Variants in SNRNP70 observed in about 807,000 individuals in gnomAD.
The protein encoded by SNRNP70 is U1 small nuclear ribonucleoprotein 70 kDa.
SNRNP70 carries 8 observed loss-of-function variants against 50.5 expected under a neutral mutation model. That is an observed-to-expected ratio of 0.16 (90% CI 0.09 to 0.29). The LOEUF (loss-of-function observed/expected upper bound fraction) is 0.29. Among genes scored for constraint, SNRNP70 ranks in the 10% least tolerant of loss-of-function variants. The pLI is 1.00. For synonymous variants in SNRNP70, 320 were observed against 252.9 expected, an observed-to-expected ratio of 1.27 and a Z score of -2.52; for missense variants, 529 against 663.5, an observed-to-expected ratio of 0.80 and a Z score of 2.23.
At chr19:49,096,420 A>T (rs2040514368) in intron 4 of SNRNP70, among the ~76,000 whole-genome samples, 1 of 152,062 alleles carries the variant, frequency 6.6e-6, no homozygotes, top group African/African-American at 2.4e-5. Flanking sequence ...AGACGTTTCC[A>T]TTTGTCCCAG....
At chr19:49,092,284 T>C (rs1236033922) in intron 4 of SNRNP70, among the ~76,000 whole-genome samples, 1 of 143,048 alleles carries the variant, frequency 7.0e-6, no homozygotes. Context: ...AATTTTTGTA[T>C]TTTTAGTAGA....
In SNRNP70 at chr19:49,101,264, C is replaced by A. The variant is rs112604373; in HGVS notation, c.394-126C>A. 376 of 699,856 alleles carry A rather than the reference C, an allele frequency of 5.4e-4. 3 individuals are homozygous for A. In the African/African-American group the frequency reaches 6.1e-3, roughly 11 times the overall value. 43.4% of individuals were successfully genotyped at this position (699,856 alleles called of 1,614,324 possible). ...CCATTAGAACATAAGTCACTCAGGG[C>A]TCTTGAAGGACAGAGAGGGTCTGAG... On this transcript the variant is annotated intron_variant, in intron 6 of 9. Transcript: ENST00000598441.
intron 4 of SNRNP70, 108 bp from the exon 5 acceptor site, chr19:49,098,319 C>A (rs2040538586): frequency 1.1e-6 from 1 of 872,452 alleles, no homozygotes; most frequent in South Asian, 1.6e-5. Context: ...CAGTTAGGGG[C>A]CTCTCCCAAT....
In SNRNP70 at chr19:49,098,431, C is replaced by T. The variant is rs1160135465; in HGVS notation, c.270C>T (p.Asp90=). 7 of 1,612,376 alleles carry T rather than the reference C, an allele frequency of 4.3e-6. No homozygotes were observed. The Admixed American group carries it at 1.0e-4, about 23-fold the overall frequency. The change falls in exon 5 of 10, where the codon GAC becomes GAT. Residue 90 remains aspartate, a synonymous_variant. Transcript: ENST00000598441. ...QEVETELKMW[D]PHNDPNAQGD... ...AATTCCTTTCTTCCTGCACAGGGGACCCTCACAATGATCCCAATGCTCAGG... is the reference window on the plus strand; with the variant it reads ...AATTCCTTTCTTCCTGCACAGGGGATCCTCACAATGATCCCAATGCTCAGG...
In SNRNP70 at chr19:49,095,994, A is replaced by AT. The variant is rs1224465147; in HGVS notation, c.266-2433_266-2432insT. 6.2e-5 allele frequency among the ~76,000 whole-genome samples: 9 copies of AT among 145,492 alleles called. 1 individual carries two copies. In the South Asian group the frequency reaches 1.1e-3, roughly 18 times the overall value. ...CTGGTGCAAAAAAAAAAAAAAAAAA[A>AT]GCCAGTGCAGATTGAGAGACCTGGC... is the stretch of plus-strand genomic sequence containing the variant. On this transcript the variant is annotated intron_variant, in intron 4 of 9. Transcript: ENST00000598441.
At chr19:49,093,817 A>G (rs1345304342) in intron 4 of SNRNP70, among the ~76,000 whole-genome samples, 2 of 151,806 alleles carry the variant, frequency 1.3e-5, no homozygotes, top group Non-Finnish European at 1.5e-5. Flanking sequence ...AACATGGTGA[A>G]ACCCCATCTC....
rs761333989 is a variant in SNRNP70, at chr19:49,108,288, C to T, written c.1159C>T (p.Arg387Trp). The change falls in exon 10 of 10, where the codon CGG becomes TGG. Residue 387 changes from arginine to tryptophan, a missense_variant. Coordinates refer to ENST00000598441, the MANE Select transcript of SNRNP70 (RefSeq NM_003089.6). ...EHKRGERGSE[R>W]GRDEARGGGG... ...CAAACGGGGGGAGCGGGGCAGTGAG[C>T]GGGGCAGGGATGAGGCCCGAGGTGG... 20 of 1,568,602 alleles carry T rather than the reference C, an allele frequency of 1.3e-5. No individual in the cohort carries two copies. The highest frequency in any genetic ancestry group is 2.4e-5 in the East Asian group (1 of 42,260).
In SNRNP70 at chr19:49,108,176, T is replaced by TCGTGAC. The variant is rs1019496784; in HGVS notation, c.1050_1055dup (p.Asp351_Arg352dup). 1.3e-6 allele frequency: 2 copies of TCGTGAC among 1,538,202 alleles called. No individual in the cohort carries two copies. The highest frequency in any genetic ancestry group is 2.8e-5 in the African/African-American group (2 of 72,366). On this transcript the variant is annotated inframe_insertion, in exon 10 of 10. Coordinates refer to ENST00000598441, the MANE Select transcript of SNRNP70 (RefSeq NM_003089.6). ...ACGGTCCAGAGGAAAAGGGCCGGGA[T>TCGTGAC]CGTGACCGGGAGCGACGGCGGAGCC...
chr19:49,092,013 CCTT>C (rs2040453192), intron 4 of SNRNP70, among the ~76,000 whole-genome samples: 1 of 152,144 alleles, frequency 6.6e-6, no homozygotes, highest in Non-Finnish European at 1.5e-5. Flanking sequence ...CAAATCTGAC[CCTT>C]CTTTTCATGT....
Position 49,086,480 on chromosome 19 carries a change from G to A in SNRNP70, c.66G>A (p.Leu22=). 6.2e-7 allele frequency: 1 copy of A among 1,613,938 alleles called. No individual in the cohort carries two copies. Among genetic ancestry groups the A allele is most frequent in the South Asian group, 1.1e-5 (1 of 91,056 alleles). Residue 22 remains leucine, a synonymous_variant, in exon 2 of 10, where the codon CTG becomes CTA. Transcript: ENST00000598441. ...CCCCCCGTGACCCTATTCCATACCT[G>A]CCACCCCTGGAGAAACTGCCACATG... ...LFAPRDPIPY[L]PPLEKLPHEK... is the part of the protein sequence containing the mutation.
intron 4 of SNRNP70, among the ~76,000 whole-genome samples, chr19:49,094,825 C>A (rs1164050399): frequency 6.6e-6 from 1 of 152,176 alleles, no homozygotes; most frequent in Non-Finnish European, 1.5e-5. Context: ...GGTTGCTACT[C>A]CCATTTTTAA....
chr19:49,092,202 A>T (rs571171950), intron 4 of SNRNP70, among the ~76,000 whole-genome samples: 1 of 151,774 alleles, frequency 6.6e-6, no homozygotes, highest in South Asian at 2.1e-4. Flanking sequence ...TCCGCCTCCC[A>T]GGTTCAAGTG....
Position 49,104,483 on chromosome 19 carries a change from G to A in SNRNP70, c.476-151G>A, listed in dbSNP as rs376503777. On this transcript the variant is annotated intron_variant, in intron 7 of 9. Transcript: ENST00000598441. The surrounding 1 kb of genome is among the most constrained non-coding windows in gnomAD (Gnocchi z 5.4). ...CCTTCACCGGTTTGGGAGAGGGTTGGTCTGGCTGTCAGTTGCCTGGCTGTC... is the reference window on the plus strand; with the variant it reads ...CCTTCACCGGTTTGGGAGAGGGTTGATCTGGCTGTCAGTTGCCTGGCTGTC... The A allele has an allele frequency of 1.5e-6, 1 of 655,164 alleles. No homozygotes were observed. The highest frequency in any genetic ancestry group is 2.2e-5 in the Admixed American group (1 of 44,856). 40.6% of individuals were successfully genotyped at this position (655,164 alleles called of 1,614,324 possible).
chr19:49,095,002 A>C (rs535818840), intron 4 of SNRNP70, among the ~76,000 whole-genome samples: 1 of 152,214 alleles, frequency 6.6e-6, no homozygotes, highest in Non-Finnish European at 1.5e-5. Context: ...TGATGTCCTG[A>C]GGGAGAGCTG....
At chr19:49,092,568 C>T (rs2040460792) in intron 4 of SNRNP70, among the ~76,000 whole-genome samples, 1 of 152,060 alleles carries the variant, frequency 6.6e-6, no homozygotes, top group African/African-American at 2.4e-5. Flanking sequence ...GCCACCATGC[C>T]CAGGTAATTT....
chr19:49,088,199 C>CTTT (rs34075997), intron 2 of SNRNP70, among the ~76,000 whole-genome samples: 6 of 94,882 alleles, frequency 6.3e-5, no homozygotes, highest in Admixed American at 1.2e-4. Context: ...GAGCCAGGTA[C>CTTT]TTTTTTTTTT....
chr19:49,087,420 A>T (rs1202051263), intron 2 of SNRNP70, among the ~76,000 whole-genome samples: 1 of 152,152 alleles, frequency 6.6e-6, no homozygotes, highest in Non-Finnish European at 1.5e-5. Context: ...GGGGCTTGGC[A>T]CCAAGCAGTC....
intron 4 of SNRNP70, among the ~76,000 whole-genome samples, chr19:49,094,358 G>C (rs1309367398): frequency 6.6e-6 from 1 of 152,118 alleles, no homozygotes; most frequent in Non-Finnish European, 1.5e-5. Context: ...AATTATCTGG[G>C]TGTGGTAGCA....
rs71179087 is a variant in SNRNP70 at position 49,099,738 on chromosome 19, T to TAA, written c.393+1047_393+1048dup. The stretch of plus-strand genomic sequence containing the variant: ...TGGGCAACAGAGTGGGACTCCATCT[T>TAA]AAAAAAAAAAAAAAGTATTGTAGGC... On this transcript the variant is annotated intron_variant, in intron 6 of 9. Coordinates refer to ENST00000598441, the MANE Select transcript of SNRNP70 (RefSeq NM_003089.6). 1.2e-4 allele frequency among the ~76,000 whole-genome samples: 17 copies of TAA among 138,686 alleles called. 2 individuals are homozygous for TAA. Among genetic ancestry groups the TAA allele is most frequent in the Non-Finnish European group, 1.5e-4 (10 of 64,580 alleles). 91.0% of individuals were successfully genotyped at this position (138,686 alleles called of 152,430 possible).
Sources: gnomAD v4.1 joint callset for allele counts (sites outside exome capture counted in the v4.1 genomes callset) on GRCh38, gnomAD v4.1.1 for gene constraint, Gnocchi (gnomAD v3.1) non-coding constraint, MANE v1.5 for transcripts, NCBI Gene and HGNC (gene_info 2026-07-23, HGNC 2026-07-21) for gene names.